Variants in FAM117A observed in about 807,000 individuals in gnomAD.
FAM117A encodes protein FAM117A.
A neutral mutation model predicts 44.1 loss-of-function variants in FAM117A; 21 were observed. The observed-to-expected ratio is 0.48, with a 90% confidence interval of 0.34 to 0.69. The LOEUF (loss-of-function observed/expected upper bound fraction) is 0.69, where lower values mean the gene tolerates loss of function less well. FAM117A is among the 30% of genes least tolerant of loss of function. The pLI is 0.01. For missense variants in FAM117A, 498 were observed against 589.9 expected (o/e 0.84, Z 1.61); for synonymous variants, 220 against 238.3 (o/e 0.92, Z 0.71).
intron 2 of FAM117A, among the ~76,000 whole-genome samples, chr17:49,728,600 C>T (rs1410605876): frequency 6.6e-6 from 1 of 152,144 alleles, no homozygotes; most frequent in Non-Finnish European, 1.5e-5. Context: ...GGGAACTTTG[C>T]TCAAACAGTC....
intron 1 of FAM117A, among the ~76,000 whole-genome samples, chr17:49,779,207 G>T (rs770854592): frequency 6.6e-6 from 1 of 152,196 alleles, no homozygotes; most frequent in Non-Finnish European, 1.5e-5. Context: ...GGCCAGGGAA[G>T]GATTTCTGTC....
intron 1 of FAM117A, among the ~76,000 whole-genome samples, chr17:49,777,573 T>A (rs2073778670): frequency 6.6e-6 from 1 of 152,052 alleles, no homozygotes; most frequent in Non-Finnish European, 1.5e-5. Flanking sequence ...AATAGCTGTT[T>A]TTGGAGGATT....
intron 1 of FAM117A, among the ~76,000 whole-genome samples, chr17:49,743,242 G>A (rs1028505226): frequency 6.6e-6 from 1 of 152,080 alleles, no homozygotes; most frequent in Non-Finnish European, 1.5e-5. Context: ...TGGGTCTCAG[G>A]AACACTAGTA....
intron 2 of FAM117A, among the ~76,000 whole-genome samples, chr17:49,729,726 G>A (rs1052828877): frequency 7.2e-5 from 11 of 151,868 alleles, no homozygotes; most frequent in African/African-American, 2.7e-4. Context: ...GGATGGTCTC[G>A]ACCTCCTGAC....
chr17:49,754,379 A>G (rs1043082181), intron 1 of FAM117A, among the ~76,000 whole-genome samples: 6 of 150,606 alleles, frequency 4.0e-5, no homozygotes, highest in African/African-American at 1.5e-4. Context: ...ATCTCGGCGC[A>G]CTGCAAGCTC....
intron 7 of FAM117A, 81 bp downstream of exon 7, chr17:49,716,082 CAA>C (rs1284727718): frequency 2.0e-6 from 3 of 1,492,914 alleles, no homozygotes; most frequent in East Asian, 2.3e-5. Flanking sequence ...ACCTCTATGA[CAA>C]GAGAGAGTCC....
intron 1 of FAM117A, among the ~76,000 whole-genome samples, chr17:49,775,669 A>C (rs1239263204): frequency 6.6e-6 from 1 of 152,218 alleles, no homozygotes; most frequent in African/African-American, 2.4e-5. Flanking sequence ...GTTCCAGTAC[A>C]TTCCACCAGT....
intron 1 of FAM117A, among the ~76,000 whole-genome samples, chr17:49,771,003 T>G (rs2073759454): frequency 1.3e-5 from 2 of 152,122 alleles, no homozygotes; most frequent in South Asian, 4.1e-4. Flanking sequence ...GGTCAGGAGT[T>G]CGAGACCAGC....
At chr17:49,717,802 C>T in intron 5 of FAM117A, 88 bp from the exon 6 acceptor site, 1 of 1,072,746 alleles carries the variant, frequency 9.3e-7, no homozygotes, top group East Asian at 2.5e-5. Context: ...TCCCTTGCTG[C>T]TGTCATTCTC....
At chr17:49,723,716 G>A (rs888220211) in intron 2 of FAM117A, among the ~76,000 whole-genome samples, 3 of 152,230 alleles carry the variant, frequency 2.0e-5, no homozygotes, top group Middle Eastern at 6.8e-3. Context: ...AGAGGAGCTC[G>A]GCGGGGGAGT....
At chr17:49,722,708 T>C in intron 2 of FAM117A, 114 bp from the exon 3 acceptor site, 1 of 790,360 alleles carries the variant, frequency 1.3e-6, no homozygotes, top group South Asian at 1.6e-5. Context: ...TCTCTGCTCA[T>C]CAACCTCTGA....
At chr17:49,712,665 C>T (rs1048373120) in intron 7 of FAM117A, among the ~76,000 whole-genome samples, 3 of 152,102 alleles carry the variant, frequency 2.0e-5, no homozygotes, top group African/African-American at 7.2e-5. Context: ...CATGAACCAC[C>T]ATGCCCAGCT....
chr17:49,717,613 A>G lies in FAM117A; in HGVS notation c.810T>C (p.Ser270=), dbSNP rs1423287585. The change falls in exon 6 of 8, where the codon TCT becomes TCC. Residue 270 remains serine (S), a synonymous_variant. Transcript: ENST00000240364. ...GGGGAGATGCCAAGGACATGGAAGG[A>G]GAGCTGGCAAGGTTGCCAGGCTCCA... The part of the protein sequence containing the change: ...LLLEPGNLAS[S]PSMSLASPQP... 6.2e-7 allele frequency: 1 copy of G among 1,614,048 alleles called. No individual in the cohort carries two copies. Among genetic ancestry groups the G allele is most frequent in the Admixed American group, 1.7e-5 (1 of 60,000 alleles).
At chr17:49,719,672 G>T (rs2073523881) in intron 5 of FAM117A, 88 bp downstream of exon 5, 3 of 1,428,236 alleles carry the variant, frequency 2.1e-6, no homozygotes, top group East Asian at 5.2e-5. Flanking sequence ...AGCCTGTGAG[G>T]CCCCAGAGAG....
intron 1 of FAM117A, among the ~76,000 whole-genome samples, chr17:49,786,526 C>A (rs564397165): frequency 6.6e-6 from 1 of 152,218 alleles, no homozygotes; most frequent in East Asian, 1.9e-4. Context: ...CCTGTAATCC[C>A]AGCACTTTGG....
At chr17:49,762,624 T>A (rs1175571872) in intron 1 of FAM117A, among the ~76,000 whole-genome samples, 2 of 152,224 alleles carry the variant, frequency 1.3e-5, no homozygotes, top group Non-Finnish European at 2.9e-5. Flanking sequence ...AGATGTGCAG[T>A]AACTAGGCTT....
intron 1 of FAM117A, among the ~76,000 whole-genome samples, chr17:49,777,145 C>T (rs898167229): frequency 1.3e-5 from 2 of 152,200 alleles, no homozygotes; most frequent in Non-Finnish European, 2.9e-5. Flanking sequence ...TGCCTGCCGC[C>T]CATTCTCTCT....
intron 2 of FAM117A, among the ~76,000 whole-genome samples, chr17:49,725,162 C>T (rs1052486173): frequency 6.6e-6 from 1 of 152,258 alleles, no homozygotes; most frequent in Non-Finnish European, 1.5e-5. Flanking sequence ...GTCTCCCGAT[C>T]TAAGACGGCC....
At chr17:49,733,684 T>A (rs2073596889) in intron 1 of FAM117A, among the ~76,000 whole-genome samples, 1 of 151,734 alleles carries the variant, frequency 6.6e-6, no homozygotes, top group Non-Finnish European at 1.5e-5. Context: ...AAAAATAAAT[T>A]AAATAAATAA....
Sources: allele counts gnomAD v4.1 joint callset (sites outside exome capture counted in the v4.1 genomes callset), GRCh38; gene constraint gnomAD v4.1.1; transcripts MANE v1.5; gene names NCBI Gene and HGNC (gene_info 2026-07-23, HGNC 2026-07-21).